The following ATP6V0A2 variants were observed in gnomAD, a reference collection of about 807,000 sequenced individuals.
ATP6V0A2 encodes the protein V-type proton ATPase 116 kDa subunit a 2.
In ATP6V0A2, 58 loss-of-function variants were observed where a neutral mutation model predicts 104.4. That is an observed-to-expected ratio of 0.56 (90% CI 0.45 to 0.69). The LOEUF is 0.69. Among genes scored for constraint, ATP6V0A2 ranks in the 30% least tolerant of loss-of-function variants. The pLI, the probability that ATP6V0A2 is intolerant of heterozygous loss-of-function variation, is 0.00. For missense variants in ATP6V0A2, 938 were observed against 1,062.9 expected (o/e 0.88, Z 1.63); for synonymous variants, 376 against 397.9 (o/e 0.95, Z 0.65).
intron 14 of ATP6V0A2, 78 bp downstream of exon 14, chr12:123,747,803 T>C (rs1182352428): frequency 1.1e-5 from 10 of 905,488 alleles, no homozygotes; most frequent in Non-Finnish European, 1.7e-5. Context: ...TGTTGGTGAC[T>C]GTATTTATTG....
chr12:123,743,631 C>T (rs573708159), intron 9 of ATP6V0A2, among the ~76,000 whole-genome samples, 154 bp from the exon 10 acceptor site: 203 of 150,744 alleles, frequency 1.3e-3, no homozygotes, highest in African/African-American at 4.4e-3. Flanking sequence ...CCAGCCTGGG[C>T]AACAAGAGTG....
intron 3 of ATP6V0A2, among the ~76,000 whole-genome samples, chr12:123,722,969 G>A (rs1211545706): frequency 3.3e-5 from 5 of 152,164 alleles, no homozygotes; most frequent in Admixed American, 3.3e-4. Flanking sequence ...TTCCCTGGCT[G>A]GTGTGCTGGG....
At chr12:123,749,079 C>T (rs1351730844) in intron 15 of ATP6V0A2, among the ~76,000 whole-genome samples, 1 of 152,140 alleles carries the variant, frequency 6.6e-6, no homozygotes, top group African/African-American at 2.4e-5. Flanking sequence ...TGCTTGAGCC[C>T]GTGAGTTCGA....
intron 2 of ATP6V0A2, chr12:123,721,611 A>G (rs1956400637): frequency 9.4e-6 from 2 of 213,482 alleles, no homozygotes; most frequent in Admixed American, 4.2e-5. Context: ...GACTGGCACC[A>G]TTTTCCCAGG....
At chr12:123,746,107 G>A (rs1956659383) in intron 13 of ATP6V0A2, among the ~76,000 whole-genome samples, 1 of 152,018 alleles carries the variant, frequency 6.6e-6, no homozygotes, top group Non-Finnish European at 1.5e-5. Context: ...GCATTTTGGA[G>A]CCAAATTCAG....
chr12:123,733,533 C>G (rs1956523805), intron 6 of ATP6V0A2: 1 of 263,150 alleles, frequency 3.8e-6, no homozygotes, highest in Admixed American at 5.0e-5. Context: ...CACCTCAGCC[C>G]TACACTCGGG....
chr12:123,743,183 C>T (rs559875960), intron 9 of ATP6V0A2, among the ~76,000 whole-genome samples: 1 of 152,322 alleles, frequency 6.6e-6, no homozygotes, highest in Admixed American at 6.5e-5. Flanking sequence ...CCATTCACTT[C>T]CGGCGCATTC....
At chr12:123,725,340 A>G (rs1187025519) in intron 4 of ATP6V0A2, among the ~76,000 whole-genome samples, 1 of 152,248 alleles carries the variant, frequency 6.6e-6, no homozygotes, top group Non-Finnish European at 1.5e-5. Flanking sequence ...AGCAATTACA[A>G]TACTAAATAT....
At chr12:123,756,080 CA>C (rs780283574) in intron 18 of ATP6V0A2, among the ~76,000 whole-genome samples, 2,465 of 61,112 alleles carry the variant, frequency 0.04, 33 homozygotes, top group African/African-American at 0.096. Flanking sequence ...GACTCTGTCT[CA>C]AAAAAAAAAA....
At chr12:123,720,942 CA>C (rs1374941960) in intron 2 of ATP6V0A2, among the ~76,000 whole-genome samples, 3 of 152,068 alleles carry the variant, frequency 2.0e-5, no homozygotes, top group Non-Finnish European at 2.9e-5. Flanking sequence ...CTCTTAGACC[CA>C]GTGCTTCCTT....
In ATP6V0A2 at chr12:123,754,441, A is replaced by G. The variant is rs781298382; in HGVS notation, c.2197A>G (p.Met733Val). 1.2e-6 allele frequency: 2 copies of G among 1,613,514 alleles called. No homozygotes were observed. The highest frequency in any genetic ancestry group is 1.7e-6 in the Non-Finnish European group (2 of 1,179,404). Residue 733 changes from methionine to valine, a missense_variant, in exon 18 of 20, where the codon ATG (methionine) becomes GTG (valine). Transcript: ENST00000330342. ...TCAGTTTAATTTTGGAGAAATATTA[A>G]TGACCCAAGTAATCCATTCCATCGA... ...CEEFNFGEIL[M>V]TQVIHSIEYC... is the part of the protein sequence containing the mutation.
chr12:123,747,073 C>T lies in ATP6V0A2; in HGVS notation c.1606-534C>T, dbSNP rs79014898. Among the ~76,000 whole-genome samples the T allele has an allele frequency of 9.2e-5, 14 of 152,256 alleles. No individual in the cohort carries two copies. In the East Asian group the frequency reaches 1.5e-3, roughly 17 times the overall value. ...CGGGGACTCAGACTGGCCGGGGCAC[C>T]GTGGGGAGGTCAGCCATGGTCTGGA... On this transcript the variant is annotated intron_variant, in intron 13 of 19. Transcript: ENST00000330342.
chr12:123,735,443 C>G, intron 7 of ATP6V0A2, 88 bp from the exon 8 acceptor site: 1 of 1,277,538 alleles, frequency 7.8e-7, no homozygotes, highest in Non-Finnish European at 1.1e-6. Flanking sequence ...GCTTTCATTC[C>G]GTTTTGCCAG....
At chr12:123,757,838 C>G in intron 19 of ATP6V0A2, 89 bp from the exon 20 acceptor site, 2 of 859,978 alleles carry the variant, frequency 2.3e-6, no homozygotes, top group Non-Finnish European at 3.6e-6. Flanking sequence ...AATTTCAGCA[C>G]AGGAATTTTT....
At chr12:123,720,661 A>G (rs1435419563) in intron 2 of ATP6V0A2, among the ~76,000 whole-genome samples, 1 of 152,008 alleles carries the variant, frequency 6.6e-6, no homozygotes, top group African/African-American at 2.4e-5. Flanking sequence ...ACACCACTGT[A>G]CTCCAGCCTG....
rs1021208054 is a variant in ATP6V0A2 at position 123,712,509 on chromosome 12, G to T, written c.-57G>T. The T allele has an allele frequency of 2.4e-5, 32 of 1,328,488 alleles. No homozygotes were observed. In the African/African-American group the frequency reaches 4.8e-4, roughly 20 times the overall value. The allele number at this position is 1,328,488 out of a possible 1,614,324, so 82.3% of individuals were successfully genotyped here. On this transcript the variant is annotated 5_prime_UTR_variant, in exon 1 of 20. Transcript: ENST00000330342. ...CCGCACCGGCTGAGTGTGCGGGCCC[G>T]CGCGGCTCGGAGCCGCCGCCGCCCA...
At chr12:123,742,722 A>G (rs540563336) in intron 9 of ATP6V0A2, among the ~76,000 whole-genome samples, 24 of 151,902 alleles carry the variant, frequency 1.6e-4, no homozygotes, top group Non-Finnish European at 3.1e-4. Context: ...TGTAATCCCA[A>G]CTACTTGGGA....
chr12:123,743,675 A>ACAC, intron 9 of ATP6V0A2, 110 bp from the exon 10 acceptor site: 8 of 1,275,818 alleles, frequency 6.3e-6, no homozygotes, highest in Non-Finnish European at 7.9e-6. Context: ...AAACAAAACA[A>ACAC]CACCACCAAA....
intron 1 of ATP6V0A2, among the ~76,000 whole-genome samples, chr12:123,716,361 C>T (rs1593881502): frequency 6.6e-6 from 1 of 152,160 alleles, no homozygotes; most frequent in African/African-American, 2.4e-5. Context: ...GCCACCAGGC[C>T]TGGCCTAGAA....
Sources: gnomAD v4.1 joint callset for allele counts (sites outside exome capture counted in the v4.1 genomes callset) on GRCh38, gnomAD v4.1.1 for gene constraint, MANE v1.5 for transcripts, NCBI Gene and HGNC (gene_info 2026-07-23, HGNC 2026-07-21) for gene names.